Variants in ZBTB20 observed in about 807,000 individuals in gnomAD.
The protein encoded by ZBTB20 is zinc finger and BTB domain containing 20.
ZBTB20 carries 9 observed loss-of-function variants against 56.9 expected under a neutral mutation model. That is an observed-to-expected ratio of 0.16 (90% CI 0.10 to 0.28). The LOEUF is 0.28. Ranked by LOEUF, ZBTB20 falls within the 10% of genes least tolerant of loss-of-function variation. ZBTB20 has a pLI of 1.00. For synonymous variants in ZBTB20, 417 were observed against 420.7 expected (o/e 0.99, Z 0.11); for missense variants, 655 against 1,003.0 (o/e 0.65, Z 4.69).
chr3:114,417,119 C>G (rs1436645008), intron 7 of ZBTB20, among the ~76,000 whole-genome samples: 2 of 152,016 alleles, frequency 1.3e-5, no homozygotes, highest in Admixed American at 6.6e-5. Context: ...TTGTTTTGTT[C>G]TTTTCAGTGA....
chr3:114,592,784 AT>A (rs2055907933), intron 6 of ZBTB20, among the ~76,000 whole-genome samples: 1 of 152,070 alleles, frequency 6.6e-6, no homozygotes, highest in African/African-American at 2.4e-5. Flanking sequence ...TCTTTTCCCC[AT>A]TTTTGCCCAG....
chr3:114,577,880 C>T lies in ZBTB20; in HGVS notation c.-294-77489G>A, dbSNP rs143802086. Among the ~76,000 whole-genome samples, 816 of 152,276 alleles carry T rather than the reference C, an allele frequency of 5.4e-3. 17 individuals carry two copies. The highest frequency in any genetic ancestry group is 0.049 in the Admixed American group (747 of 15,286). ...CCAGATAAAGGCAACTGTAAAACCC[C>T]TAGTTAGGGACATGTGAACAAAACG... On this transcript the variant is annotated intron_variant, in intron 6 of 11. Coordinates refer to ENST00000675478, the MANE Select transcript of ZBTB20 (RefSeq NM_001348800.3).
At chr3:114,649,805 T>C (rs1358243715) in intron 6 of ZBTB20, among the ~76,000 whole-genome samples, 1 of 151,992 alleles carries the variant, frequency 6.6e-6, no homozygotes, top group Non-Finnish European at 1.5e-5. Context: ...TATAAAAGCA[T>C]AAGCTAAATG....
intron 1 of ZBTB20, among the ~76,000 whole-genome samples, chr3:115,135,158 G>T (rs77896508): frequency 0.023 from 3,543 of 152,282 alleles, 42 homozygotes; most frequent in South Asian, 0.051. Context: ...CCCAACAGAA[G>T]GCAGAAGTTT....
chr3:114,361,037 T>C (rs1461921111), intron 10 of ZBTB20, among the ~76,000 whole-genome samples: 2 of 152,288 alleles, frequency 1.3e-5, no homozygotes, highest in Non-Finnish European at 2.9e-5. Flanking sequence ...TATGATATTC[T>C]TTATATAGTC....
intron 7 of ZBTB20, among the ~76,000 whole-genome samples, chr3:114,407,942 A>G (rs948892862): frequency 6.6e-6 from 1 of 152,156 alleles, no homozygotes; most frequent in African/African-American, 2.4e-5. Context: ...CTACTTTAAC[A>G]TACACACATC....
intron 7 of ZBTB20, among the ~76,000 whole-genome samples, chr3:114,447,524 C>T (rs888000269): frequency 6.6e-6 from 1 of 152,280 alleles, no homozygotes; most frequent in Middle Eastern, 3.4e-3. Context: ...CTCCATTTCC[C>T]TTCCCACCCC....
chr3:114,407,943 T>A (rs1489840587), intron 7 of ZBTB20, among the ~76,000 whole-genome samples: 2 of 152,142 alleles, frequency 1.3e-5, no homozygotes, highest in Admixed American at 6.5e-5. Context: ...TACTTTAACA[T>A]ACACACATCT....
chr3:115,051,756 C>A (rs1231990942), intron 2 of ZBTB20, among the ~76,000 whole-genome samples: 1 of 152,134 alleles, frequency 6.6e-6, no homozygotes, highest in Non-Finnish European at 1.5e-5. Context: ...TTTCACACTG[C>A]TCTAAAGAAC....
At chr3:115,144,451 G>A (rs2084907655) in intron 1 of ZBTB20, among the ~76,000 whole-genome samples, 1 of 152,058 alleles carries the variant, frequency 6.6e-6, no homozygotes, top group Non-Finnish European at 1.5e-5. Context: ...CCTATACCAA[G>A]TAGTCAAATT....
chr3:114,765,651 A>C (rs1233405443), intron 5 of ZBTB20, among the ~76,000 whole-genome samples: 1 of 152,190 alleles, frequency 6.6e-6, no homozygotes, highest in Non-Finnish European at 1.5e-5. Context: ...CTAGGAAACT[A>C]ATACAATAAT....
chr3:114,870,625 A>T (rs777687288), intron 4 of ZBTB20, among the ~76,000 whole-genome samples: 1 of 151,566 alleles, frequency 6.6e-6, no homozygotes, highest in East Asian at 1.9e-4. Context: ...CCAAAGAAAT[A>T]GCAGCCAAGC....
intron 7 of ZBTB20, among the ~76,000 whole-genome samples, chr3:114,494,077 T>C (rs1446794284): frequency 6.6e-6 from 1 of 152,252 alleles, no homozygotes; most frequent in East Asian, 1.9e-4. Context: ...TAGTAGCATC[T>C]ACTTAATAGG....
At chr3:114,473,375 C>A in intron 7 of ZBTB20, among the ~76,000 whole-genome samples, 1 of 152,146 alleles carries the variant, frequency 6.6e-6, no homozygotes, top group East Asian at 1.9e-4. Context: ...AGTAAGTTTG[C>A]ATTTTTGATA....
At chr3:114,740,837 T>C (rs1017946438) in intron 5 of ZBTB20, among the ~76,000 whole-genome samples, 4 of 152,218 alleles carry the variant, frequency 2.6e-5, no homozygotes, top group Non-Finnish European at 4.4e-5. Flanking sequence ...AATGAATATT[T>C]CCATTGATTT....
chr3:114,489,219 A>G (rs928598040), intron 7 of ZBTB20, among the ~76,000 whole-genome samples: 3 of 152,094 alleles, frequency 2.0e-5, no homozygotes, highest in African/African-American at 7.2e-5. Context: ...CTTACCTAAA[A>G]CCTGCAATAA....
intron 1 of ZBTB20, among the ~76,000 whole-genome samples, chr3:115,114,692 A>C (rs536292598): frequency 1.2e-3 from 185 of 152,234 alleles, no homozygotes; most frequent in Non-Finnish European, 2.2e-3. Context: ...TGGCAAGAAA[A>C]TCACATTGTA....
intron 7 of ZBTB20, 78 bp downstream of exon 7, chr3:114,500,274 G>C (rs2043795365): frequency 6.6e-6 from 1 of 151,594 alleles, no homozygotes; most frequent in Non-Finnish European, 1.5e-5. Flanking sequence ...AGTCAACTAG[G>C]AAATATGCCA....
intron 5 of ZBTB20, among the ~76,000 whole-genome samples, chr3:114,714,385 G>T (rs2108456197): frequency 6.6e-6 from 1 of 152,246 alleles, no homozygotes; most frequent in East Asian, 1.9e-4. Flanking sequence ...AAACACAGGA[G>T]ACATGACTTC....
Sources: gnomAD v4.1 joint callset for allele counts (sites outside exome capture counted in the v4.1 genomes callset) on GRCh38, gnomAD v4.1.1 for gene constraint, MANE v1.5 for transcripts, NCBI Gene and HGNC (gene_info 2026-07-23, HGNC 2026-07-21) for gene names.